Variants in PTPN5 observed in about 807,000 individuals in gnomAD.
PTPN5 encodes the protein tyrosine-protein phosphatase non-receptor type 5.
A neutral mutation model predicts 73.9 loss-of-function variants in PTPN5; 29 were observed. That is an observed-to-expected ratio of 0.39 (90% CI 0.29 to 0.54). The LOEUF (loss-of-function observed/expected upper bound fraction) is 0.54, where lower values mean the gene tolerates loss of function less well. Among genes scored for constraint, PTPN5 ranks in the 20% least tolerant of loss-of-function variants. The pLI, the probability that PTPN5 is intolerant of heterozygous loss-of-function variation, is 0.65. For synonymous variants in PTPN5, 267 were observed against 304.7 expected, an observed-to-expected ratio of 0.88 and a Z score of 1.29; for missense variants, 652 against 751.4, an observed-to-expected ratio of 0.87 and a Z score of 1.55.
At chr11:18,781,320 CCA>C (rs1247727101) in intron 1 of PTPN5, among the ~76,000 whole-genome samples, 3 of 58,702 alleles carry the variant, frequency 5.1e-5, no homozygotes, top group African/African-American at 1.7e-4. Flanking sequence ...CTTTTTTTGA[CCA>C]CTTTTTTTTT....
intron 9 of PTPN5, among the ~76,000 whole-genome samples, chr11:18,737,148 A>C (rs12279816): frequency 0.032 from 4,937 of 152,238 alleles, 277 homozygotes; most frequent in African/African-American, 0.11. Context: ...AGCCCTGGGG[A>C]CTGGGGTCAG....
intron 3 of PTPN5, among the ~76,000 whole-genome samples, chr11:18,764,963 T>G (rs1042436991): frequency 1.3e-5 from 2 of 152,128 alleles, no homozygotes; most frequent in African/African-American, 4.8e-5. Flanking sequence ...CTGCCCGCCT[T>G]GGCCTCCCAA....
chr11:18,742,472 G>A lies in PTPN5; in HGVS notation c.515C>T (p.Pro172Leu). 1.2e-6 allele frequency: 2 copies of A among 1,613,966 alleles called. No homozygotes were observed. The highest frequency in any genetic ancestry group is 1.7e-6 in the Non-Finnish European group (2 of 1,180,006). ...VWHLLRTPPE[P>L]PTPLPPEDRR... ...GTCCTCAGGGGGCAGTGGGGTGGGT[G>A]GCTCTGGGGGTGTCCTCAGGAGGTG... The change falls in exon 7 of 15, where the codon CCA (proline) becomes CTA (leucine). Residue 172 changes from proline to leucine, a missense_variant. Transcript: ENST00000358540. The surrounding 1 kb of genome is among the most constrained non-coding windows in gnomAD (Gnocchi z 4.1).
At chr11:18,730,440 ATG>A (rs1004400734) in intron 12 of PTPN5, 2 of 153,516 alleles carry the variant, frequency 1.3e-5, no homozygotes, top group African/African-American at 2.4e-5. Context: ...TTTGGACTGA[ATG>A]TGTGTGTCCC....
At chr11:18,768,244 CCA>C (rs1850724965) in intron 2 of PTPN5, among the ~76,000 whole-genome samples, 1 of 152,208 alleles carries the variant, frequency 6.6e-6, no homozygotes, top group African/African-American at 2.4e-5. Context: ...GAGCTCTCCT[CCA>C]CAGCTGTTGT....
At chr11:18,734,676 A>T (rs1002138467) in intron 9 of PTPN5, among the ~76,000 whole-genome samples, 2 of 152,074 alleles carry the variant, frequency 1.3e-5, no homozygotes, top group Non-Finnish European at 2.9e-5. Context: ...GTTTTGTTCC[A>T]GCTACAGCCT....
intron 1 of PTPN5, among the ~76,000 whole-genome samples, chr11:18,784,327 T>C (rs1217688123): frequency 6.6e-6 from 1 of 151,852 alleles, no homozygotes; most frequent in Non-Finnish European, 1.5e-5. Flanking sequence ...TGAAAATAAA[T>C]GAGATTCTGA....
chr11:18,792,430 A>G (rs939455975), upstream of PTPN5: 1 of 152,354 alleles, frequency 6.6e-6, no homozygotes, highest in Non-Finnish European at 1.5e-5. Context: ...GGGGAGCTAG[A>G]GCGAGTGGAC....
chr11:18,767,551 G>A (rs1431348456), intron 2 of PTPN5, among the ~76,000 whole-genome samples: 1 of 152,138 alleles, frequency 6.6e-6, no homozygotes, highest in African/African-American at 2.4e-5. Context: ...CACTCGGGCT[G>A]GCCTCCAAAA....
At chr11:18,746,162 AATATATATAT>A (rs773490900) in intron 3 of PTPN5, among the ~76,000 whole-genome samples, 13 of 67,672 alleles carry the variant, frequency 1.9e-4, no homozygotes, top group East Asian at 4.1e-4. Flanking sequence ...TATAAATATA[AATATATATAT>A]ATATATATAT....
At chr11:18,766,605 T>C (rs1037149931) in intron 2 of PTPN5, among the ~76,000 whole-genome samples, 2 of 152,146 alleles carry the variant, frequency 1.3e-5, no homozygotes, top group African/African-American at 4.8e-5. Context: ...TATAGGAGAG[T>C]ATGGGGGTCT....
intron 3 of PTPN5, among the ~76,000 whole-genome samples, chr11:18,764,400 G>A (rs1002242563): frequency 3.9e-5 from 6 of 152,168 alleles, no homozygotes; most frequent in Non-Finnish European, 8.8e-5. Flanking sequence ...CTAGACAGAC[G>A]GTCCCATCTT....
intron 12 of PTPN5, among the ~76,000 whole-genome samples, chr11:18,730,979 C>T (rs1848846414): frequency 1.3e-5 from 2 of 152,010 alleles, no homozygotes; most frequent in African/African-American, 4.8e-5. Flanking sequence ...CATGTCCTTA[C>T]TTTTATTATT....
intron 1 of PTPN5, among the ~76,000 whole-genome samples, chr11:18,786,627 T>G (rs1000772104): frequency 6.6e-6 from 1 of 152,204 alleles, no homozygotes; most frequent in Non-Finnish European, 1.5e-5. Context: ...TGAGATGACC[T>G]GAGTTTCTAC....
chr11:18,775,177 A>G (rs1851087371), intron 1 of PTPN5, among the ~76,000 whole-genome samples: 1 of 152,258 alleles, frequency 6.6e-6, no homozygotes, highest in African/African-American at 2.4e-5. Context: ...ACAGCTAGTT[A>G]TCACAGAACT....
Position 18,732,626 on chromosome 11 carries a change from GT to G in PTPN5, c.1294del (p.Thr432ArgfsTer20), listed in dbSNP as rs760260526. The G allele has an allele frequency of 6.2e-7, 1 of 1,613,912 alleles. No homozygotes were observed. The highest frequency in any genetic ancestry group is 1.7e-5 in the Admixed American group (1 of 60,010). ...GATGAGTCGCAGCCGGTAATCCTCCGTGTGAATGACTTTCTGCACAGTGATC... is the reference window on the plus strand; with the variant it reads ...GATGAGTCGCAGCCGGTAATCCTCCGGTGAATGACTTTCTGCACAGTGATC... ...VEITVQKVIH[T>X]EDYRLRLISL... On this transcript the variant is annotated frameshift_variant, in exon 12 of 15. Coordinates refer to ENST00000358540, the MANE Select transcript of PTPN5 (RefSeq NM_006906.2). LOFTEE classifies it high-confidence loss of function.
chr11:18,776,059 A>T (rs1472996448), intron 1 of PTPN5, among the ~76,000 whole-genome samples: 1 of 152,196 alleles, frequency 6.6e-6, no homozygotes. Context: ...TGGAGTTCAA[A>T]GGTTATCCGG....
chr11:18,782,470 C>T (rs1013007565), intron 1 of PTPN5, among the ~76,000 whole-genome samples: 2 of 152,150 alleles, frequency 1.3e-5, no homozygotes, highest in African/African-American at 4.8e-5. Flanking sequence ...TCAGATGATC[C>T]ACCCGTCTTG....
intron 2 of PTPN5, among the ~76,000 whole-genome samples, chr11:18,767,073 G>A (rs747004068): frequency 6.6e-6 from 1 of 152,214 alleles, no homozygotes; most frequent in Non-Finnish European, 1.5e-5. Flanking sequence ...GCTTACGCCA[G>A]TGGGATGTGA....
Sources: allele counts gnomAD v4.1 joint callset (sites outside exome capture counted in the v4.1 genomes callset), GRCh38; gene constraint gnomAD v4.1.1; non-coding constraint Gnocchi (gnomAD v3.1); transcripts MANE v1.5; gene names NCBI Gene and HGNC (gene_info 2026-07-23, HGNC 2026-07-21).